The following DENND2C variants were observed in gnomAD, a reference collection of about 807,000 sequenced individuals.
DENND2C encodes the protein DENN domain-containing protein 2C.
In DENND2C, 72 loss-of-function variants were observed where a neutral mutation model predicts 112.4. The ratio of observed to expected loss-of-function variants is 0.64; its 90% confidence interval spans 0.53 to 0.78. The LOEUF is 0.78. Ranked by LOEUF, DENND2C falls within the 30% of genes least tolerant of loss-of-function variation. DENND2C has a pLI of 0.00. For synonymous variants in DENND2C, 329 were observed against 381.6 expected (o/e 0.86, Z 1.61); for missense variants, 992 against 1,113.8 (o/e 0.89, Z 1.56).
chr1:114,665,760 T>C (rs1251335759), intron 1 of DENND2C, among the ~76,000 whole-genome samples: 1 of 152,238 alleles, frequency 6.6e-6, no homozygotes, highest in Non-Finnish European at 1.5e-5. Context: ...ATAATAATAA[T>C]TTGTTGGACA....
chr1:114,647,147 G>C (rs1657012819), intron 2 of DENND2C, among the ~76,000 whole-genome samples: 1 of 138,110 alleles, frequency 7.2e-6, no homozygotes. Context: ...GGGCAAAAGA[G>C]TGAGATTCTA....
chr1:114,615,343 C>T (rs1177290721), intron 8 of DENND2C, among the ~76,000 whole-genome samples: 2 of 152,140 alleles, frequency 1.3e-5, no homozygotes, highest in Non-Finnish European at 2.9e-5. Flanking sequence ...GATGATTAAA[C>T]TGCTAAAAAT....
intron 3 of DENND2C, among the ~76,000 whole-genome samples, chr1:114,631,490 G>T (rs1176837889): frequency 3.3e-5 from 5 of 151,642 alleles, no homozygotes; most frequent in Non-Finnish European, 5.9e-5. Flanking sequence ...TCAATCAATA[G>T]AAGTAGAACC....
At chr1:114,650,816 T>G (rs897830715) in intron 2 of DENND2C, among the ~76,000 whole-genome samples, 3 of 152,236 alleles carry the variant, frequency 2.0e-5, no homozygotes, top group Admixed American at 1.3e-4. Context: ...TCTCAAATTT[T>G]CAAATGACAT....
chr1:114,646,101 G>T (rs1656979432), intron 2 of DENND2C, among the ~76,000 whole-genome samples: 1 of 151,848 alleles, frequency 6.6e-6, no homozygotes, highest in Non-Finnish European at 1.5e-5. Context: ...TAATTTTTTT[G>T]TATTTTTAGT....
At chr1:114,653,632 T>C (rs980525207) in intron 2 of DENND2C, among the ~76,000 whole-genome samples, 1 of 152,180 alleles carries the variant, frequency 6.6e-6, no homozygotes, top group Admixed American at 6.5e-5. Flanking sequence ...TTTATAATGA[T>C]TAAACGTTTT....
rs1196789159 is a variant in DENND2C at position 114,621,967 on chromosome 1, C to A, written c.1155G>T (p.Pro385=). ...RSKLTKDTTL[P]VTLTEWKLFR... ...AAAGCTTCCATTCCGTTAAAGTGAC[C>A]GGCAAAGTTGTATCTTTTGTAAGCT... is the stretch of plus-strand genomic sequence containing the variant. The change falls in exon 7 of 21, where the codon CCG becomes CCT. Residue 385 remains proline (P), a synonymous_variant. Coordinates refer to ENST00000393274, the MANE Select transcript of DENND2C (RefSeq NM_001256404.2). 3 of 1,550,746 alleles carry A rather than the reference C, an allele frequency of 1.9e-6. No homozygotes were observed. Among genetic ancestry groups the A allele is most frequent in the Non-Finnish European group, 1.7e-6 (2 of 1,147,026 alleles).
Position 114,665,416 on chromosome 1 carries a change from A to G in DENND2C, c.-574+4567T>C, listed in dbSNP as rs143005648. ...GCTTTTTACAAAGAGAAGCTCCAAT[A>G]ATACTTTGGGCAATACAGACAGTCC... On this transcript the variant is annotated intron_variant, in intron 1 of 20. Transcript: ENST00000393274. Among the ~76,000 whole-genome samples, 126 of 152,342 alleles carry G rather than the reference A, an allele frequency of 8.3e-4. 1 individual carries two copies. The highest frequency in any genetic ancestry group is 2.8e-3 in the African/African-American group (115 of 41,582).
In DENND2C at chr1:114,583,366, T is replaced by C. The variant is rs1184898474; in HGVS notation, c.*2234A>G. 3.3e-5 allele frequency: 5 copies of C among 152,116 alleles called. No individual in the cohort carries two copies. The highest frequency in any genetic ancestry group is 7.4e-5 in the Non-Finnish European group (5 of 68,018). 9.4% of individuals were successfully genotyped at this position (152,116 alleles called of 1,614,324 possible). On this transcript the variant is annotated 3_prime_UTR_variant, in exon 21 of 21. Transcript: ENST00000393274. ...ATACAACTTACACAGTTTTGTAAGG[T>C]TGAATAAATACTTTCTGTGCCAGTT...
rs750364375 is a variant in DENND2C at position 114,599,379 on chromosome 1, T to A, written c.2178A>T (p.Pro726=). The A allele has an allele frequency of 5.6e-6, 9 of 1,614,078 alleles. No individual in the cohort carries two copies. The highest frequency in any genetic ancestry group is 7.6e-6 in the Non-Finnish European group (9 of 1,179,992). The change falls in exon 16 of 21, where the codon CCA becomes CCT. Residue 726 remains proline, a synonymous_variant. Coordinates refer to ENST00000393274, the MANE Select transcript of DENND2C (RefSeq NM_001256404.2). ...YPFTWQHTYI[P]VLPASMIDIV... ...TGTCAATCATAGATGCTGGCAGGAC[T>A]GGGATATAGGTATGCTGCCAGGTGA...
chr1:114,607,333 G>A (rs573714505), intron 10 of DENND2C, among the ~76,000 whole-genome samples: 1 of 152,286 alleles, frequency 6.6e-6, no homozygotes, highest in East Asian at 1.9e-4. Flanking sequence ...GGGCCCTTCT[G>A]AGTGAGGGCC....
chr1:114,651,744 A>C (rs1358986659), intron 2 of DENND2C, among the ~76,000 whole-genome samples: 2 of 152,232 alleles, frequency 1.3e-5, no homozygotes, highest in Admixed American at 1.3e-4. Context: ...CTCAAAAAAG[A>C]AAGAAAAAGG....
At chr1:114,643,924 A>T (rs1181995031) in intron 3 of DENND2C, among the ~76,000 whole-genome samples, 3 of 152,172 alleles carry the variant, frequency 2.0e-5, no homozygotes, top group Non-Finnish European at 4.4e-5. Context: ...ATTGTGTTAC[A>T]TGGTTGGTTA....
intron 9 of DENND2C, among the ~76,000 whole-genome samples, chr1:114,609,868 T>G (rs2101654409): frequency 6.6e-6 from 1 of 152,346 alleles, no homozygotes; most frequent in South Asian, 2.1e-4. Flanking sequence ...TAGTCAAAGC[T>G]TTACTTACCT....
At chr1:114,594,409 G>A in intron 18 of DENND2C, 64 bp downstream of exon 18, 1 of 1,307,572 alleles carries the variant, frequency 7.6e-7, no homozygotes, top group Non-Finnish European at 1.1e-6. Context: ...ATAGTGCTGG[G>A]CATTCAGTAA....
chr1:114,635,311 A>G (rs899563763), intron 3 of DENND2C, among the ~76,000 whole-genome samples: 6 of 152,168 alleles, frequency 3.9e-5, no homozygotes, highest in Admixed American at 2.6e-4. Context: ...CATAAACCCA[A>G]AGAAACTGGA....
At chr1:114,590,725 G>A (rs1655162821) in intron 18 of DENND2C, among the ~76,000 whole-genome samples, 1 of 142,098 alleles carries the variant, frequency 7.0e-6, no homozygotes, top group African/African-American at 2.6e-5. Context: ...CCTGCAGTGA[G>A]CCAAGATTGC....
At chr1:114,618,089 C>T (rs573662814) in intron 8 of DENND2C, among the ~76,000 whole-genome samples, 8 of 151,646 alleles carry the variant, frequency 5.3e-5, no homozygotes, top group African/African-American at 1.9e-4. Flanking sequence ...CCCGGGTTCA[C>T]GCCATTCTCC....
Position 114,645,508 on chromosome 1 carries a change from T to C in DENND2C, c.-265A>G, listed in dbSNP as rs1450152870. The C allele has an allele frequency of 2.0e-5, 3 of 152,210 alleles. No individual in the cohort carries two copies. Among genetic ancestry groups the C allele is most frequent in the Non-Finnish European group, 4.4e-5 (3 of 68,032 alleles). The allele number at this position is 152,210 out of a possible 1,614,324, so 9.4% of individuals were successfully genotyped here. A position where few individuals can be genotyped will look rare whatever the true frequency, so the allele number is the denominator to read the frequency against. ...CCAGACTTGTGAGAATATCAATCTC[T>C]GGCGTTTGAACCACTCAATCTGCGG... is the stretch of plus-strand genomic sequence containing the variant. On this transcript the variant is annotated 5_prime_UTR_variant, in exon 3 of 21. Transcript: ENST00000393274.
Sources: allele counts gnomAD v4.1 joint callset (sites outside exome capture counted in the v4.1 genomes callset), GRCh38; gene constraint gnomAD v4.1.1; transcripts MANE v1.5; gene names NCBI Gene and HGNC (gene_info 2026-07-23, HGNC 2026-07-21).